Variants in CTNNA2 observed in about 807,000 individuals in gnomAD.
CTNNA2 encodes catenin alpha-2.
Under a neutral mutation model 101.0 loss-of-function variants are expected in CTNNA2, and 42 were observed. That is an observed-to-expected ratio of 0.42 (90% CI 0.32 to 0.54). CTNNA2 has a LOEUF of 0.54. Ranked by LOEUF, CTNNA2 falls within the 20% of genes least tolerant of loss-of-function variation. The probability of loss-of-function intolerance (pLI) is 0.14; values close to 1 mark genes in which losing one functional copy is unlikely to be tolerated. For missense variants in CTNNA2, 871 were observed against 1,223.1 expected (o/e 0.71, Z 4.29); for synonymous variants, 450 against 456.4 (o/e 0.99, Z 0.18).
At chr2:80,556,045 T>G in intron 12 of CTNNA2, 152 bp downstream of exon 12, 1 of 480,876 alleles carries the variant, frequency 2.1e-6, no homozygotes, top group Admixed American at 3.9e-5. Flanking sequence ...TTCTCTTTGT[T>G]TTTTGAGTTT....
intron 7 of CTNNA2, among the ~76,000 whole-genome samples, chr2:79,939,891 G>A (rs1228217849): frequency 1.3e-5 from 2 of 152,046 alleles, no homozygotes; most frequent in East Asian, 1.9e-4. Flanking sequence ...TCGGGAGTTC[G>A]AGACCAGCCT....
chr2:79,686,652 CA>C (rs1683950718), intron 2 of CTNNA2, among the ~76,000 whole-genome samples: 1 of 151,880 alleles, frequency 6.6e-6, no homozygotes, highest in Admixed American at 6.6e-5. Context: ...GTACAGTAGC[CA>C]TTAAACAAAC....
intron 18 of CTNNA2, among the ~76,000 whole-genome samples, chr2:80,628,685 G>A (rs1169147513): frequency 6.6e-6 from 1 of 151,948 alleles, no homozygotes; most frequent in Admixed American, 6.6e-5. Context: ...CAGTTTTTAG[G>A]GAATTAAGAT....
intron 4 of CTNNA2, among the ~76,000 whole-genome samples, chr2:79,406,988 G>A (rs1386851429): frequency 6.6e-6 from 1 of 151,932 alleles, no homozygotes; most frequent in Non-Finnish European, 1.5e-5. Flanking sequence ...TCATTTATAG[G>A]ACCTTCTTTT....
chr2:80,193,749 G>A (rs1220771779), intron 7 of CTNNA2, among the ~76,000 whole-genome samples: 1 of 152,102 alleles, frequency 6.6e-6, no homozygotes, highest in Non-Finnish European at 1.5e-5. Context: ...ATTAGAGAAG[G>A]TCATTTTCTT....
intron 7 of CTNNA2, among the ~76,000 whole-genome samples, chr2:80,041,497 T>C (rs1696053051): frequency 6.6e-6 from 1 of 152,200 alleles, no homozygotes; most frequent in South Asian, 2.1e-4. Context: ...TGCATTATGA[T>C]AATGCAGCTG....
At chr2:80,461,339 C>T (rs79356597) in intron 9 of CTNNA2, among the ~76,000 whole-genome samples, 4,772 of 152,112 alleles carry the variant, frequency 0.031, 234 homozygotes, top group African/African-American at 0.1. Flanking sequence ...CCCATTATCC[C>T]TGATGTTACC....
chr2:80,407,915 G>A (rs1207019193), intron 8 of CTNNA2, among the ~76,000 whole-genome samples: 1 of 152,312 alleles, frequency 6.6e-6, no homozygotes, highest in East Asian at 1.9e-4. Flanking sequence ...GAGGTACACC[G>A]TTATCCATAA....
chr2:79,369,994 A>G (rs1677835065), intron 3 of CTNNA2, among the ~76,000 whole-genome samples: 1 of 152,194 alleles, frequency 6.6e-6, no homozygotes, highest in Non-Finnish European at 1.5e-5. Context: ...TACTACTGTC[A>G]ATCTAATTCT....
chr2:80,023,641 G>C (rs191612589), intron 7 of CTNNA2, among the ~76,000 whole-genome samples: 1 of 152,236 alleles, frequency 6.6e-6, no homozygotes, highest in Admixed American at 6.5e-5. Flanking sequence ...AACTCTTTAT[G>C]GTATGGCAAC....
intron 2 of CTNNA2, among the ~76,000 whole-genome samples, chr2:79,277,656 A>G (rs1402176750): frequency 1.3e-5 from 2 of 152,116 alleles, no homozygotes; most frequent in Non-Finnish European, 2.9e-5. Flanking sequence ...TTGAGTTTCA[A>G]AGATGCTCAA....
chr2:80,317,860 C>T (rs946709765), intron 7 of CTNNA2, among the ~76,000 whole-genome samples: 1 of 152,144 alleles, frequency 6.6e-6, no homozygotes, highest in Non-Finnish European at 1.5e-5. Flanking sequence ...TGTCAGTGTC[C>T]AGATACATCA....
intron 1 of CTNNA2, among the ~76,000 whole-genome samples, chr2:79,612,713 A>G (rs981523085): frequency 1.3e-5 from 2 of 152,130 alleles, no homozygotes; most frequent in African/African-American, 2.4e-5. Context: ...CTTGATTTTT[A>G]CAACATAATT....
In CTNNA2 at chr2:80,263,280, C is replaced by T. The variant is rs745606922; in HGVS notation, c.1057-129931C>T. Among the ~76,000 whole-genome samples the T allele has an allele frequency of 3.9e-5, 6 of 152,084 alleles. No homozygotes were observed. In the South Asian group the frequency reaches 6.2e-4, roughly 16 times the overall value. On this transcript the variant is annotated intron_variant, in intron 7 of 18. Transcript: ENST00000402739. ...GATTTTGTTAAAACTATTCTGCACA[C>T]GAGGAAACTGAGGACTAGAGAGGTG...
At chr2:79,649,621 T>C (rs561299664) in intron 1 of CTNNA2, among the ~76,000 whole-genome samples, 19 of 152,332 alleles carry the variant, frequency 1.2e-4, no homozygotes, top group African/African-American at 4.1e-4. Context: ...AGAGCTGCTC[T>C]ATGGCAGTTG....
At chr2:80,306,143 T>C (rs1676920682) in intron 7 of CTNNA2, among the ~76,000 whole-genome samples, 1 of 152,106 alleles carries the variant, frequency 6.6e-6, no homozygotes, top group Non-Finnish European at 1.5e-5. Flanking sequence ...TCATTCCATT[T>C]TGTATTCATC....
In CTNNA2 at chr2:79,980,594, CATT is replaced by C. The variant is rs1487222044; in HGVS notation, c.1056+70800_1056+70802del. Among the ~76,000 whole-genome samples the C allele has an allele frequency of 6.6e-5, 10 of 152,138 alleles. No homozygotes were observed. In the South Asian group the frequency reaches 8.3e-4, roughly 13 times the overall value. ...TATTTATATGGATATTTATAAACCT[CATT>C]ATAATTATGTAAACATATTTAAAAT... On this transcript the variant is annotated intron_variant, in intron 7 of 18. Transcript: ENST00000402739.
intron 2 of CTNNA2, among the ~76,000 whole-genome samples, chr2:79,237,124 TAGTC>T (rs1674567499): frequency 1.3e-5 from 2 of 152,188 alleles, no homozygotes; most frequent in African/African-American, 4.8e-5. Flanking sequence ...ATTTTTTAAA[TAGTC>T]AGACCTGAAA....
At chr2:79,372,183 A>G (rs1405187179) in intron 3 of CTNNA2, among the ~76,000 whole-genome samples, 1 of 152,106 alleles carries the variant, frequency 6.6e-6, no homozygotes, top group Admixed American at 6.5e-5. Context: ...GACTGATGGC[A>G]TCTGGTGGCA....
Sources: allele counts gnomAD v4.1 joint callset (sites outside exome capture counted in the v4.1 genomes callset), GRCh38; gene constraint gnomAD v4.1.1; transcripts MANE v1.5; gene names NCBI Gene and HGNC (gene_info 2026-07-23, HGNC 2026-07-21).